The following LYPLAL1 variants were observed in gnomAD, a reference collection of about 807,000 sequenced individuals.
LYPLAL1 encodes lysophospholipase-like protein 1.
A neutral mutation model predicts 19.7 loss-of-function variants in LYPLAL1; 23 were observed. That is an observed-to-expected ratio of 1.17 (90% CI 0.84 to 1.65). LYPLAL1 has a LOEUF of 1.65. LYPLAL1 is among the 40% of genes most tolerant of loss of function. LYPLAL1 has a pLI of 0.00. For synonymous variants in LYPLAL1, 119 were observed against 96.3 expected, an observed-to-expected ratio of 1.24 and a Z score of -1.38; for missense variants, 355 against 279.4, an observed-to-expected ratio of 1.27 and a Z score of -1.93.
In LYPLAL1 at chr1:219,211,478, A is replaced by G. The variant is rs1558247756; in HGVS notation, c.478-14A>G. The stretch of plus-strand genomic sequence containing the variant: ...ATTTCTTAAACTTTTCTGTCTTTGT[A>G]TCTTCTTCTCTAGGCTCTTCAGAAG... On this transcript the variant is annotated splice_polypyrimidine_tract_variant and intron_variant, in intron 4 of 4. Coordinates refer to ENST00000366928, the MANE Select transcript of LYPLAL1 (RefSeq NM_138794.5). The G allele has an allele frequency of 2.0e-6, 3 of 1,478,088 alleles. No homozygotes were observed. Among genetic ancestry groups the G allele is most frequent in the East Asian group, 4.6e-5 (2 of 43,546 alleles). 91.6% of individuals were successfully genotyped at this position (1,478,088 alleles called of 1,614,324 possible). A position where few individuals can be genotyped will look rare whatever the true frequency, so the allele number is the denominator to read the frequency against.
the LYPLAL1 span, among the ~76,000 whole-genome samples, chr1:219,291,550 C>T: frequency 3.3e-5 from 5 of 152,134 alleles, no homozygotes; most frequent in Non-Finnish European, 5.9e-5. Context: ...GCCACCTCTT[C>T]CCTAATATTC....
At chr1:219,302,672 T>A in the LYPLAL1 span, among the ~76,000 whole-genome samples, 1 of 152,218 alleles carries the variant, frequency 6.6e-6, no homozygotes, top group African/African-American at 2.4e-5. Context: ...CATTGCCTAG[T>A]GTGGGGCACA....
intron 1 of LYPLAL1, chr1:219,175,045 G>A (rs1293925655): frequency 1.0e-6 from 1 of 985,318 alleles, no homozygotes; most frequent in East Asian, 1.1e-4. Context: ...GACGGTGATT[G>A]GAAGGGAATT....
chr1:219,421,373 A>G, the LYPLAL1 span, among the ~76,000 whole-genome samples: 1 of 152,134 alleles, frequency 6.6e-6, no homozygotes, highest in Admixed American at 6.6e-5. Context: ...CAACATGAAG[A>G]CCCTATCTGA....
chr1:219,410,892 G>T, the LYPLAL1 span, among the ~76,000 whole-genome samples: 6 of 152,340 alleles, frequency 3.9e-5, no homozygotes, highest in Non-Finnish European at 8.8e-5. Context: ...TTCCCACGGG[G>T]CAGGGCTCGG....
the LYPLAL1 span, among the ~76,000 whole-genome samples, chr1:219,349,669 T>C: frequency 6.6e-6 from 1 of 152,124 alleles, no homozygotes; most frequent in South Asian, 2.1e-4. Flanking sequence ...ATGTGTGTAG[T>C]GATCAAGAGG....
At chr1:219,371,176 G>A in the LYPLAL1 span, among the ~76,000 whole-genome samples, 2 of 152,202 alleles carry the variant, frequency 1.3e-5, no homozygotes, top group South Asian at 4.1e-4. Flanking sequence ...CTTCCTTCTA[G>A]TACTAAACTG....
At chr1:219,314,898 ACT>A in the LYPLAL1 span, among the ~76,000 whole-genome samples, 1 of 152,070 alleles carries the variant, frequency 6.6e-6, no homozygotes, top group Admixed American at 6.6e-5. Flanking sequence ...GATGCAAGTG[ACT>A]CAATGAAAAT....
chr1:219,370,661 G>A, the LYPLAL1 span, among the ~76,000 whole-genome samples: 1 of 152,188 alleles, frequency 6.6e-6, no homozygotes, highest in Non-Finnish European at 1.5e-5. Context: ...AAAGTCTTGA[G>A]TCTAAGCTGG....
At chr1:219,233,193 A>T in the LYPLAL1 span, among the ~76,000 whole-genome samples, 1 of 152,220 alleles carries the variant, frequency 6.6e-6, no homozygotes, top group Non-Finnish European at 1.5e-5. Flanking sequence ...TTAAAATGAA[A>T]TAACTTCTGA....
the LYPLAL1 span, among the ~76,000 whole-genome samples, chr1:219,419,548 A>AACACACACACACACAC: frequency 5.6e-4 from 55 of 97,788 alleles, 1 homozygote; most frequent in Non-Finnish European, 8.3e-4. Context: ...GCCCTAGCCC[A>AACACACACACACACAC]ACACACACAC....
downstream of LYPLAL1, among the ~76,000 whole-genome samples, chr1:219,213,199 T>C (rs947511086): frequency 1.1e-4 from 17 of 152,040 alleles, no homozygotes; most frequent in Admixed American, 8.5e-4. Context: ...CATGGAAATA[T>C]TTTTGCACCT....
At chr1:219,424,179 C>T in the LYPLAL1 span, among the ~76,000 whole-genome samples, 3 of 151,862 alleles carry the variant, frequency 2.0e-5, no homozygotes, top group Non-Finnish European at 4.4e-5. Flanking sequence ...GGTAGACTTA[C>T]GTAAAAGAAT....
chr1:219,268,222 C>T, the LYPLAL1 span, among the ~76,000 whole-genome samples: 1 of 150,286 alleles, frequency 6.7e-6, no homozygotes, highest in Non-Finnish European at 1.5e-5. Context: ...GTGGTAAATG[C>T]TAAGAAGACA....
chr1:219,374,160 C>A, the LYPLAL1 span, among the ~76,000 whole-genome samples: 1 of 140,310 alleles, frequency 7.1e-6, no homozygotes, highest in African/African-American at 2.6e-5. Flanking sequence ...TTGGTGGGGG[C>A]GGTATGGATA....
intron 2 of LYPLAL1, among the ~76,000 whole-genome samples, chr1:219,181,619 G>T (rs990057300): frequency 3.9e-5 from 6 of 152,190 alleles, no homozygotes; most frequent in African/African-American, 1.4e-4. Context: ...GAGCAAAAGT[G>T]TGAGGGTGTG....
chr1:219,296,704 G>C, the LYPLAL1 span, among the ~76,000 whole-genome samples: 4 of 152,082 alleles, frequency 2.6e-5, no homozygotes, highest in African/African-American at 9.7e-5. Context: ...AACAGCCTAG[G>C]GAAGTAAATC....
the LYPLAL1 span, among the ~76,000 whole-genome samples, chr1:219,439,859 A>G: frequency 6.6e-6 from 1 of 151,362 alleles, no homozygotes; most frequent in Non-Finnish European, 1.5e-5. Context: ...TCCCTAAAGG[A>G]CAAAAGCAAA....
the LYPLAL1 span, among the ~76,000 whole-genome samples, chr1:219,241,134 C>CTCTTTATATATATATATATATA: frequency 2.3e-5 from 1 of 44,358 alleles, no homozygotes; most frequent in Non-Finnish European, 4.3e-5. Flanking sequence ...CTCTCTCTCT[C>CTCTTTATATATATATATATATA]TATATATATA....
Sources: gnomAD v4.1 joint callset for allele counts (sites outside exome capture counted in the v4.1 genomes callset) on GRCh38, gnomAD v4.1.1 for gene constraint, MANE v1.5 for transcripts, NCBI Gene and HGNC (gene_info 2026-07-23, HGNC 2026-07-21) for gene names.